TESMIN: variants seen among roughly 807,000 people sequenced by gnomAD.
TESMIN encodes testis expressed metallothionein like protein, also known as CXC domain containing 2.
TESMIN carries 34 observed loss-of-function variants against 47.4 expected under a neutral mutation model. The observed-to-expected ratio is 0.72, with a 90% CI of 0.55 to 0.96. TESMIN has a LOEUF of 0.96. Among genes scored for constraint, TESMIN ranks in the 40% least tolerant of loss-of-function variants. The pLI, the probability that TESMIN is intolerant of heterozygous loss-of-function variation, is 0.00. For missense variants in TESMIN, 610 were observed against 637.2 expected, an observed-to-expected ratio of 0.96 and a Z score of 0.46; for synonymous variants, 278 against 258.9, an observed-to-expected ratio of 1.07 and a Z score of -0.71.
At chr11:68,713,543 TG>T in intron 7 of TESMIN, 136 bp from the exon 8 acceptor site, 1 of 894,680 alleles carries the variant, frequency 1.1e-6, no homozygotes, top group Non-Finnish European at 1.7e-6. Flanking sequence ...GTTCAGAAGG[TG>T]CAGCCCCTTC....
rs1161159014 is a variant in TESMIN at position 68,707,769 on chromosome 11, T to G, written c.*539A>C. On this transcript the variant is annotated 3_prime_UTR_variant, in exon 10 of 10. Coordinates refer to ENST00000255087, the MANE Select transcript of TESMIN (RefSeq NM_004923.3). ...CAGTTCGCGTGCCTCTGGGGAAATATCTACGCTACAGAAAATCTTTAGGTG... is the reference window on the plus strand; with the variant it reads ...CAGTTCGCGTGCCTCTGGGGAAATAGCTACGCTACAGAAAATCTTTAGGTG... The G allele has an allele frequency of 2.2e-6, 1 of 453,672 alleles. No homozygotes were observed. Among genetic ancestry groups the G allele is most frequent in the African/African-American group, 2.0e-5 (1 of 50,018 alleles). The allele number at this position is 453,672 out of a possible 1,614,324, so 28.1% of individuals were successfully genotyped here.
chr11:68,745,793 C>A (rs1946513287), intron 3 of TESMIN, among the ~76,000 whole-genome samples: 3 of 152,172 alleles, frequency 2.0e-5, no homozygotes, highest in Non-Finnish European at 4.4e-5. Flanking sequence ...TAAATGGTCG[C>A]AAGCCGGGTG....
intron 6 of TESMIN, among the ~76,000 whole-genome samples, chr11:68,716,788 T>C (rs998850930): frequency 2.0e-5 from 3 of 152,222 alleles, no homozygotes; most frequent in Non-Finnish European, 4.4e-5. Context: ...TGTGAAAATG[T>C]AGCATCAAGG....
intron 3 of TESMIN, among the ~76,000 whole-genome samples, chr11:68,746,778 C>T (rs940159170): frequency 1.3e-5 from 2 of 152,150 alleles, no homozygotes; most frequent in South Asian, 2.1e-4. Context: ...ATGACATAAA[C>T]CACAGCTGTG....
At chr11:68,734,394 C>T (rs1433582879) in intron 6 of TESMIN, among the ~76,000 whole-genome samples, 1 of 152,152 alleles carries the variant, frequency 6.6e-6, no homozygotes, top group Admixed American at 6.5e-5. Context: ...GGGAGAAGTT[C>T]CCAAGCATTG....
At position 68,713,253 on chromosome 11, in the gene TESMIN, G is replaced by T; in HGVS notation, c.1158+17C>A. ...ACCTGTGTTTTTTGTTAGTGAGTTA[G>T]GGAGCTGGGCACTAACCTCATAGCA... On this transcript the variant is annotated intron_variant, in intron 8 of 9. Coordinates refer to ENST00000255087, the MANE Select transcript of TESMIN (RefSeq NM_004923.3). 6.2e-7 allele frequency: 1 copy of T among 1,605,716 alleles called. No individual in the cohort carries two copies. The highest frequency in any genetic ancestry group is 1.7e-5 in the Admixed American group (1 of 59,258).
At chr11:68,728,967 AAGG>A (rs1946296688) in intron 6 of TESMIN, among the ~76,000 whole-genome samples, 2 of 152,200 alleles carry the variant, frequency 1.3e-5, no homozygotes, top group South Asian at 4.2e-4. Context: ...GGAGCTGTGC[AAGG>A]AGATTAATAT....
chr11:68,744,562 T>C (rs1321118197), intron 4 of TESMIN, among the ~76,000 whole-genome samples: 1 of 152,228 alleles, frequency 6.6e-6, no homozygotes, highest in East Asian at 1.9e-4. Context: ...AGCAGAATGA[T>C]AGTTCTCATT....
At chr11:68,719,137 C>G (rs1946175693) in intron 6 of TESMIN, among the ~76,000 whole-genome samples, 1 of 152,198 alleles carries the variant, frequency 6.6e-6, no homozygotes, top group Admixed American at 6.5e-5. Flanking sequence ...ACCAGCCCCT[C>G]CATGGCAGGC....
intron 8 of TESMIN, 152 bp from the exon 9 acceptor site, chr11:68,711,201 G>A: frequency 2.9e-6 from 2 of 696,762 alleles, no homozygotes; most frequent in Non-Finnish European, 2.4e-6. Context: ...TGAATGTGTG[G>A]GTGAGAGCGT....
rs1946576255 is a variant in TESMIN, at chr11:68,750,323, T to C, written c.338A>G (p.Gln113Arg). 3 of 1,510,760 alleles carry C rather than the reference T, an allele frequency of 2.0e-6. No individual in the cohort carries two copies. Among genetic ancestry groups the C allele is most frequent in the Admixed American group, 4.3e-5 (2 of 46,090 alleles). 93.6% of individuals were successfully genotyped at this position (1,510,760 alleles called of 1,614,324 possible). Residue 113 changes from glutamine to arginine, a missense_variant, in exon 2 of 10, where the codon CAG (glutamine) becomes CGG (arginine). Coordinates refer to ENST00000255087, the MANE Select transcript of TESMIN (RefSeq NM_004923.3). Reference sequence around the variant, plus strand: ...GTTGCAGGCGGGCGGCTGCGGGGCCTGCAGGAGCGCGACGTCCTCCAGCGC... The same window carrying C: ...GTTGCAGGCGGGCGGCTGCGGGGCCCGCAGGAGCGCGACGTCCTCCAGCGC... ...LSALEDVALLQAPQPPACNVH... is the reference protein window; with the variant it reads ...LSALEDVALLRAPQPPACNVH...
intron 7 of TESMIN, among the ~76,000 whole-genome samples, chr11:68,714,688 G>A (rs1391404515): frequency 6.6e-6 from 1 of 152,194 alleles, no homozygotes; most frequent in Non-Finnish European, 1.5e-5. Flanking sequence ...TGTTTCCAGT[G>A]CCTGGCTACT....
intron 6 of TESMIN, among the ~76,000 whole-genome samples, chr11:68,723,571 A>G (rs1029611955): frequency 1.3e-5 from 2 of 152,114 alleles, no homozygotes; most frequent in African/African-American, 2.4e-5. Flanking sequence ...AGTAAAAAGC[A>G]GAAATTAATG....
At chr11:68,732,788 A>C (rs1473143268) in intron 6 of TESMIN, 2 of 152,238 alleles carry the variant, frequency 1.3e-5, no homozygotes, top group African/African-American at 4.8e-5. Context: ...TTACTTTTTA[A>C]AAATCAATTT....
chr11:68,711,222 TGA>T (rs1298711771), intron 8 of TESMIN, among the ~76,000 whole-genome samples, 173 bp from the exon 9 acceptor site: 2 of 150,950 alleles, frequency 1.3e-5, no homozygotes, highest in Non-Finnish European at 3.0e-5. Context: ...GTGTTGAACG[TGA>T]GTGTGTGTAT....
At chr11:68,716,514 C>A (rs558044396) in intron 6 of TESMIN, among the ~76,000 whole-genome samples, 1 of 152,214 alleles carries the variant, frequency 6.6e-6, no homozygotes, top group Non-Finnish European at 1.5e-5. Context: ...GGTTGTAATG[C>A]GAGGGTTGTT....
intron 9 of TESMIN, among the ~76,000 whole-genome samples, chr11:68,709,562 A>G (rs760426841): frequency 6.6e-6 from 1 of 152,258 alleles, no homozygotes; most frequent in South Asian, 2.1e-4. Context: ...CTAGATAGCA[A>G]CCCAGGTGGC....
chr11:68,709,453 C>A (rs976179680), intron 9 of TESMIN, among the ~76,000 whole-genome samples: 1 of 152,182 alleles, frequency 6.6e-6, no homozygotes, highest in Non-Finnish European at 1.5e-5. Flanking sequence ...CCATCAATGC[C>A]GCTTGGAGCT....
chr11:68,750,624 G>T lies in TESMIN; in HGVS notation c.37C>A (p.Pro13Thr). The T allele has an allele frequency of 1.3e-6, 2 of 1,582,880 alleles. No homozygotes were observed. The highest frequency in any genetic ancestry group is 3.5e-5 in the Admixed American group (2 of 57,890). ...AGCTCCGTCACCATCGCATCCTCGG[G>T]GCTGGGCAGCCCGCCCGGCAGAGGG... ...EGPLPGGLPSPEDAMVTELLS... is the reference protein window; with the variant it reads ...EGPLPGGLPSTEDAMVTELLS... The change falls in exon 2 of 10, where the codon CCC becomes ACC. Residue 13 changes from proline (P) to threonine (T), a missense_variant. By Grantham distance (38) the Pro-to-Thr change is conservative. Coordinates refer to ENST00000255087, the MANE Select transcript of TESMIN (RefSeq NM_004923.3).
Sources: allele counts gnomAD v4.1 joint callset (sites outside exome capture counted in the v4.1 genomes callset), GRCh38; gene constraint gnomAD v4.1.1; transcripts MANE v1.5; gene names NCBI Gene and HGNC (gene_info 2026-07-23, HGNC 2026-07-21).